Variants in MAD1L1 observed in about 807,000 individuals in gnomAD.
MAD1L1 encodes the protein mitotic arrest deficient 1 like 1.
MAD1L1 carries 95 observed loss-of-function variants against 96.9 expected under a neutral mutation model. The observed-to-expected ratio is 0.98, with a 90% CI of 0.83 to 1.16. The LOEUF is 1.16. Among genes scored for constraint, MAD1L1 ranks in the 50% most tolerant of loss-of-function variants. MAD1L1 has a pLI of 0.00. For synonymous variants in MAD1L1, 473 were observed against 396.6 expected (o/e 1.19, Z -2.29); for missense variants, 1,007 against 954.4 (o/e 1.06, Z -0.73).
chr7:2,148,554 C>T (rs919220372), intron 11 of MAD1L1: 3 of 152,596 alleles, frequency 2.0e-5, no homozygotes, highest in South Asian at 2.1e-4. Context: ...AAAAAAGAGG[C>T]CTCTCATTTC....
intron 12 of MAD1L1, among the ~76,000 whole-genome samples, chr7:2,021,622 G>A (rs999847086): frequency 6.6e-6 from 1 of 152,120 alleles, no homozygotes; most frequent in East Asian, 1.9e-4. Flanking sequence ...AAAGTTAGCT[G>A]GGCATGGTAA....
chr7:2,216,136 C>T, intron 8 of MAD1L1, 21 bp downstream of exon 8: 1 of 1,610,664 alleles, frequency 6.2e-7, no homozygotes, highest in Non-Finnish European at 8.5e-7. Context: ...GGCGGCTGCC[C>T]CATCCCCCGC....
At chr7:2,102,752 G>A (rs1309338895) in intron 11 of MAD1L1, among the ~76,000 whole-genome samples, 2 of 150,740 alleles carry the variant, frequency 1.3e-5, no homozygotes, top group Non-Finnish European at 3.0e-5. Flanking sequence ...GTCACCATCA[G>A]TGACACCACG....
intron 16 of MAD1L1, among the ~76,000 whole-genome samples, chr7:1,949,433 AG>A (rs968549135): frequency 5.3e-5 from 8 of 152,188 alleles, no homozygotes; most frequent in African/African-American, 1.9e-4. Flanking sequence ...TCCCTGTCTG[AG>A]GACTCAAGAC....
At chr7:2,046,875 G>A (rs959840854) in intron 12 of MAD1L1, among the ~76,000 whole-genome samples, 4 of 152,098 alleles carry the variant, frequency 2.6e-5, no homozygotes, top group African/African-American at 7.2e-5. Context: ...GTGCCCACAC[G>A]CACAGTGCCC....
chr7:1,846,775 AAGG>A, intron 18 of MAD1L1: 1 of 176,028 alleles, frequency 5.7e-6, no homozygotes, highest in Non-Finnish European at 1.2e-5. Flanking sequence ...CATAGGAGCC[AAGG>A]AGGAGGAAGT....
chr7:1,871,365 T>C (rs1210797839), intron 18 of MAD1L1, among the ~76,000 whole-genome samples: 1,423 of 31,832 alleles, frequency 0.045, no homozygotes, highest in Middle Eastern at 0.087. Context: ...ACCCAACATA[T>C]GCCTGCCACG....
At chr7:1,986,637 C>T (rs902742357) in intron 14 of MAD1L1, among the ~76,000 whole-genome samples, 1 of 152,176 alleles carries the variant, frequency 6.6e-6, no homozygotes, top group Non-Finnish European at 1.5e-5. Flanking sequence ...CTGCTCACTG[C>T]ACTCTCCTGC....
intron 4 of MAD1L1, among the ~76,000 whole-genome samples, chr7:2,224,284 G>A (rs1010707230): frequency 5.3e-5 from 8 of 152,096 alleles, no homozygotes; most frequent in Non-Finnish European, 1.5e-5. Flanking sequence ...CCTAACAAGG[G>A]AATCTCAGTA....
chr7:1,936,539 A>C, intron 17 of MAD1L1, 148 bp downstream of exon 17: 1 of 813,516 alleles, frequency 1.2e-6, no homozygotes, highest in South Asian at 1.8e-5. Context: ...GCTCTGCCCC[A>C]GCAACCACCA....
chr7:2,135,312 C>T (rs910480025), intron 11 of MAD1L1, among the ~76,000 whole-genome samples: 4 of 152,228 alleles, frequency 2.6e-5, no homozygotes, highest in Non-Finnish European at 2.9e-5. Context: ...ACACGAGATG[C>T]TCCCATCTTC....
intron 18 of MAD1L1, chr7:1,817,018 C>G (rs1038662796): frequency 2.6e-5 from 4 of 152,352 alleles, no homozygotes; most frequent in Non-Finnish European, 5.9e-5. Flanking sequence ...CACAACTCCA[C>G]CATGAAGAGG....
At chr7:2,035,161 G>A (rs540336739) in intron 12 of MAD1L1, among the ~76,000 whole-genome samples, 3 of 152,392 alleles carry the variant, frequency 2.0e-5, no homozygotes, top group African/African-American at 7.2e-5. Flanking sequence ...GGGGCCACAT[G>A]ACCCCACAGA....
At chr7:1,827,595 C>T (rs1441692419) in intron 18 of MAD1L1, among the ~76,000 whole-genome samples, 2 of 118,804 alleles carry the variant, frequency 1.7e-5, no homozygotes, top group Admixed American at 7.7e-5. Context: ...CTCCTGAGCC[C>T]GTCCCGGGTG....
intron 17 of MAD1L1, among the ~76,000 whole-genome samples, chr7:1,921,866 C>A (rs1384970334): frequency 6.6e-6 from 1 of 152,114 alleles, no homozygotes; most frequent in Non-Finnish European, 1.5e-5. Flanking sequence ...ATACCATACA[C>A]CAAAATAAGT....
At chr7:2,196,249 C>A (rs1195960628) in intron 10 of MAD1L1, among the ~76,000 whole-genome samples, 1 of 152,194 alleles carries the variant, frequency 6.6e-6, no homozygotes, top group Non-Finnish European at 1.5e-5. Flanking sequence ...CTCTCCAGAG[C>A]CAACCACCAC....
In MAD1L1 at chr7:2,114,127, C is replaced by T. The variant is rs149106053; in HGVS notation, c.1073+35025G>A. ...AAGACGTTACCCTCGGGAAAGCTGG[C>T]GGAGGGTGCGTCGAAACATTCTCCA... On this transcript the variant is annotated intron_variant, in intron 11 of 18. Transcript: ENST00000265854. This position sits in a 1 kb window ranked among gnomAD's most constrained non-coding sequence, Gnocchi z 4.2. 8.0e-3 allele frequency among the ~76,000 whole-genome samples: 1,223 copies of T among 152,322 alleles called. 10 individuals are homozygous for T. Among genetic ancestry groups the T allele is most frequent in the Non-Finnish European group, 0.011 (777 of 68,032 alleles).
chr7:2,015,317 C>A (rs1289421483), intron 12 of MAD1L1, among the ~76,000 whole-genome samples: 2 of 152,216 alleles, frequency 1.3e-5, no homozygotes, highest in Admixed American at 1.3e-4. Flanking sequence ...CCCAGGATGT[C>A]GGAGGCCACA....
At chr7:1,849,681 T>C (rs976061992) in intron 18 of MAD1L1, 8 of 152,162 alleles carry the variant, frequency 5.3e-5, no homozygotes, top group Non-Finnish European at 8.8e-5. Flanking sequence ...TGCTCCCACC[T>C]GGGCTAAAGG....
Sources: gnomAD v4.1 joint callset for allele counts (sites outside exome capture counted in the v4.1 genomes callset) on GRCh38, gnomAD v4.1.1 for gene constraint, Gnocchi (gnomAD v3.1) non-coding constraint, MANE v1.5 for transcripts, NCBI Gene and HGNC (gene_info 2026-07-23, HGNC 2026-07-21) for gene names.